The following EPHB2 variants were observed in gnomAD, a reference collection of about 807,000 sequenced individuals.
The protein encoded by EPHB2 is ephrin type-B receptor 2.
In EPHB2, 18 loss-of-function variants were observed where a neutral mutation model predicts 96.4. That is an observed-to-expected ratio of 0.19 (90% confidence interval 0.13 to 0.28). EPHB2 has a LOEUF of 0.28. EPHB2 is among the 10% of genes least tolerant of loss of function. The pLI is 1.00. For missense variants in EPHB2, 989 were observed against 1,355.4 expected, an observed-to-expected ratio of 0.73 and a Z score of 4.25; for synonymous variants, 506 against 534.1, an observed-to-expected ratio of 0.95 and a Z score of 0.72.
At chr1:22,905,876 T>G (rs1454288192) in intron 9 of EPHB2, 111 bp from the exon 10 acceptor site, 1 of 1,568,512 alleles carries the variant, frequency 6.4e-7, no homozygotes, top group Non-Finnish European at 8.7e-7. Flanking sequence ...CCAGTTCTTA[T>G]GGGGGCCACA....
chr1:22,883,350 G>T (rs1639113159), intron 6 of EPHB2, among the ~76,000 whole-genome samples: 1 of 152,232 alleles, frequency 6.6e-6, no homozygotes, highest in Non-Finnish European at 1.5e-5. Flanking sequence ...GCACAGTACA[G>T]GGGCCAGGAG....
At chr1:22,780,307 A>C (rs115292367) in intron 1 of EPHB2, among the ~76,000 whole-genome samples, 2,052 of 152,282 alleles carry the variant, frequency 0.013, 15 homozygotes, top group Middle Eastern at 0.034. Flanking sequence ...CAGCTGCTGG[A>C]ATCGGGGGAG....
At chr1:22,887,594 G>A (rs1484969045) in intron 6 of EPHB2, among the ~76,000 whole-genome samples, 1 of 152,210 alleles carries the variant, frequency 6.6e-6, no homozygotes, top group African/African-American at 2.4e-5. Context: ...ATGGCTTCTG[G>A]AGGCCACTGA....
intron 3 of EPHB2, among the ~76,000 whole-genome samples, chr1:22,853,269 C>T (rs998395771): frequency 6.6e-5 from 10 of 152,246 alleles, no homozygotes; most frequent in Admixed American, 5.2e-4. Flanking sequence ...AGGAGAATGG[C>T]GTGAACTTGG....
chr1:22,719,571 C>T (rs1191414053), intron 1 of EPHB2: 3 of 152,766 alleles, frequency 2.0e-5, no homozygotes, highest in Non-Finnish European at 4.4e-5. Context: ...TGGTGTGTTG[C>T]AAGTCGGTGG....
At chr1:22,896,277 C>T in intron 8 of EPHB2, 137 bp from the exon 9 acceptor site, 1 of 1,054,264 alleles carries the variant, frequency 9.5e-7, no homozygotes, top group Non-Finnish European at 1.4e-6. Context: ...CAAGTGGGGC[C>T]AAAAGGGGCA....
intron 1 of EPHB2, among the ~76,000 whole-genome samples, chr1:22,751,795 C>T (rs919625414): frequency 2.0e-5 from 3 of 152,234 alleles, no homozygotes; most frequent in Non-Finnish European, 4.4e-5. Flanking sequence ...TCAGCTCCTT[C>T]TGGAGTTGCC....
At chr1:22,819,816 A>ATTT (rs5773023) in intron 3 of EPHB2, among the ~76,000 whole-genome samples, 1 of 148,704 alleles carries the variant, frequency 6.7e-6, no homozygotes, top group Non-Finnish European at 1.5e-5. Flanking sequence ...CAAATTGATG[A>ATTT]TTTTTTTTTT....
intron 3 of EPHB2, among the ~76,000 whole-genome samples, chr1:22,861,317 T>C (rs1273955514): frequency 6.6e-6 from 1 of 152,090 alleles, no homozygotes; most frequent in Admixed American, 6.5e-5. Flanking sequence ...AAGCCCATGC[T>C]CATTCCACTT....
At chr1:22,832,530 G>A (rs1271709417) in intron 3 of EPHB2, among the ~76,000 whole-genome samples, 1 of 152,078 alleles carries the variant, frequency 6.6e-6, no homozygotes, top group African/African-American at 2.4e-5. Context: ...CCCTTGGCCT[G>A]GGATGCACCC....
At position 22,846,113 on chromosome 1, in the gene EPHB2, T is replaced by C. The variant is rs1186586408; in HGVS notation, c.812-16924T>C. Among the ~76,000 whole-genome samples the C allele has an allele frequency of 3.3e-5, 5 of 152,106 alleles. No homozygotes were observed. The East Asian group carries it at 5.8e-4, about 18-fold the overall frequency. ...ACCTGCTCTGCTGCAAAGGACTTAATGATTCAAGAATGTCCCAGGGCGTGG... is the reference window on the plus strand; with the variant it reads ...ACCTGCTCTGCTGCAAAGGACTTAACGATTCAAGAATGTCCCAGGGCGTGG... On this transcript the variant is annotated intron_variant, in intron 3 of 15. Coordinates refer to ENST00000374630, the MANE Select transcript of EPHB2 (RefSeq NM_017449.5). The surrounding 1 kb of genome is among the most constrained non-coding windows in gnomAD (Gnocchi z 4.3).
Position 22,767,524 on chromosome 1 carries a change from T to G in EPHB2, c.62-13897T>G, listed in dbSNP as rs183447873. 4.6e-5 allele frequency among the ~76,000 whole-genome samples: 7 copies of G among 152,266 alleles called. No homozygotes were observed. The East Asian group carries it at 1.4e-3, about 29-fold the overall frequency. ...GACAATGATCCATCCCTTGAAGGGT[T>G]TTGGAAAGCTTAGAGGAGCTCAGGT... On this transcript the variant is annotated intron_variant, in intron 1 of 15. Coordinates refer to ENST00000374630, the MANE Select transcript of EPHB2 (RefSeq NM_017449.5).
At position 22,913,874 on chromosome 1, in the gene EPHB2, A is replaced by T; in HGVS notation, c.*304A>T. On this transcript the variant is annotated 3_prime_UTR_variant, in exon 16 of 16. Coordinates refer to ENST00000374630, the MANE Select transcript of EPHB2 (RefSeq NM_017449.5). The surrounding 1 kb of genome is among the most constrained non-coding windows in gnomAD (Gnocchi z 4.1). ...TGACTGTTCTTGCGGGGGATAAAAA[A>T]GGGCTTGGGAGATTCATGCGATGTG... 6.3e-7 allele frequency: 1 copy of T among 1,588,144 alleles called. No individual in the cohort carries two copies. Among genetic ancestry groups the T allele is most frequent in the South Asian group, 1.2e-5 (1 of 86,336 alleles).
rs771347105 is a variant in EPHB2, at chr1:22,913,892, G to A, written c.*322G>A. The A allele has an allele frequency of 1.8e-5, 29 of 1,574,136 alleles. No homozygotes were observed. In the African/African-American group the frequency reaches 3.8e-4, roughly 21 times the overall value. ...ATAAAAAAGGGCTTGGGAGATTCAT[G>A]CGATGTGTCCAATCGGAGACAAAAG... On this transcript the variant is annotated 3_prime_UTR_variant, in exon 16 of 16. Transcript: ENST00000374630. This position sits in a 1 kb window ranked among gnomAD's most constrained non-coding sequence, Gnocchi z 4.1.
chr1:22,872,348 A>C (rs992963910), intron 5 of EPHB2, among the ~76,000 whole-genome samples: 1 of 152,176 alleles, frequency 6.6e-6, no homozygotes, highest in African/African-American at 2.4e-5. Context: ...TAAGCACTCA[A>C]GAGATGAAGT....
Position 22,748,739 on chromosome 1 carries a change from A to AGC in EPHB2, c.62-32682_62-32681insGC, listed in dbSNP as rs888961153. ...GTCCTGAGATATATGTACATACATAAACACACACATATATGATATTAAAAT... is the reference window on the plus strand; with the variant it reads ...GTCCTGAGATATATGTACATACATAAGCACACACACATATATGATATTAAAAT... On this transcript the variant is annotated intron_variant, in intron 1 of 15. Coordinates refer to ENST00000374630, the MANE Select transcript of EPHB2 (RefSeq NM_017449.5). Among the ~76,000 whole-genome samples the AGC allele has an allele frequency of 1.7e-4, 25 of 148,222 alleles. 1 individual carries two copies. Among genetic ancestry groups the AGC allele is most frequent in the African/African-American group, 6.2e-4 (24 of 38,936 alleles).
chr1:22,814,595 C>G (rs1455543922), intron 3 of EPHB2, among the ~76,000 whole-genome samples: 1 of 152,208 alleles, frequency 6.6e-6, no homozygotes, highest in African/African-American at 2.4e-5. Flanking sequence ...CTCATGCCCA[C>G]TTTACAGATG....
chr1:22,747,103 C>T (rs1222238843), intron 1 of EPHB2, among the ~76,000 whole-genome samples: 5 of 152,278 alleles, frequency 3.3e-5, no homozygotes, highest in East Asian at 1.9e-4. Context: ...CAGCCAAACT[C>T]GGGTTCTGCA....
chr1:22,731,565 CG>C (rs1643713077), intron 1 of EPHB2, among the ~76,000 whole-genome samples: 2 of 152,286 alleles, frequency 1.3e-5, no homozygotes, highest in Admixed American at 1.3e-4. Flanking sequence ...ATCGGCTAGG[CG>C]CGGTGGCTCA....
Sources: gnomAD v4.1 joint callset for allele counts (sites outside exome capture counted in the v4.1 genomes callset) on GRCh38, gnomAD v4.1.1 for gene constraint, Gnocchi (gnomAD v3.1) non-coding constraint, MANE v1.5 for transcripts, NCBI Gene and HGNC (gene_info 2026-07-23, HGNC 2026-07-21) for gene names.